PCDHGB2: variants seen among roughly 807,000 people sequenced by gnomAD.
PCDHGB2 encodes protocadherin gamma-B2.
Under a neutral mutation model 59.3 loss-of-function variants are expected in PCDHGB2, and 55 were observed. The observed-to-expected ratio is 0.93, with a 90% CI of 0.75 to 1.16. The LOEUF (loss-of-function observed/expected upper bound fraction) is 1.16. Among genes scored for constraint, PCDHGB2 ranks in the 50% most tolerant of loss-of-function variants. The pLI, the probability that PCDHGB2 is intolerant of heterozygous loss-of-function variation, is 0.00. For missense variants in PCDHGB2, 1,228 were observed against 1,198.5 expected (o/e 1.02, Z -0.36); for synonymous variants, 516 against 512.0 (o/e 1.01, Z -0.11).
At chr5:141,366,266 G>T (rs1014933070) in intron 1 of PCDHGB2, 1 of 1,613,562 alleles carries the variant, frequency 6.2e-7, no homozygotes. Flanking sequence ...CGTGGTGGCC[G>T]TCGAAGACCA....
chr5:141,422,520 G>T, intron 1 of PCDHGB2: 2 of 1,613,946 alleles, frequency 1.2e-6, no homozygotes, highest in Middle Eastern at 1.6e-4. Flanking sequence ...AGGGAAGCCC[G>T]CCTTTGTCTG....
At chr5:141,393,335 C>T (rs764386599) in intron 1 of PCDHGB2, 1 of 1,613,458 alleles carries the variant, frequency 6.2e-7, no homozygotes, top group South Asian at 1.1e-5. Flanking sequence ...AGCTCAGCCC[C>T]AATCACCACT....
intron 1 of PCDHGB2, chr5:141,374,640 C>G: frequency 6.2e-7 from 1 of 1,612,778 alleles, no homozygotes; most frequent in African/African-American, 1.3e-5. Flanking sequence ...CAAAGCGAAG[C>G]CCATGGGCCC....
Position 141,361,797 on chromosome 5 carries a change from C to T in PCDHGB2, c.1662C>T (p.Asp554=). The change falls in exon 1 of 4, where the codon GAC becomes GAT. Residue 554 remains aspartate, a synonymous_variant. Transcript: ENST00000522605. Reference sequence around the variant, plus strand: ...TGAGCCTGCGCGTGTTAGTGGGCGACCTCAATGACAATGCGCCACGGGTGC... The same window carrying T: ...TGAGCCTGCGCGTGTTAGTGGGCGATCTCAATGACAATGCGCCACGGGTGC... The part of the protein sequence containing the change: ...ANVSLRVLVG[D]LNDNAPRVLY... The T allele has an allele frequency of 1.9e-6, 3 of 1,613,222 alleles. No individual in the cohort carries two copies. The highest frequency in any genetic ancestry group is 2.5e-6 in the Non-Finnish European group (3 of 1,179,748).
In PCDHGB2 at chr5:141,394,564, G is replaced by C. The variant is rs200338108; in HGVS notation, c.2421+32008G>C. 4.7e-3 allele frequency: 7,544 copies of C among 1,612,816 alleles called. 48 individuals carry two copies. The highest frequency in any genetic ancestry group is 9.5e-3 in the Admixed American group (568 of 59,990). On this transcript the variant is annotated intron_variant, in intron 1 of 3. Transcript: ENST00000522605. Reference sequence around the variant, plus strand: ...GAGCTGGCGCCCCGCTCCGCAGAGCGTGGCTACCTGGTGACCAAGGTGGTG... The same window carrying C: ...GAGCTGGCGCCCCGCTCCGCAGAGCCTGGCTACCTGGTGACCAAGGTGGTG...
rs573088236 is a variant in PCDHGB2, at chr5:141,489,279, G to A, written c.2422-5528G>A. On this transcript the variant is annotated intron_variant, in intron 1 of 3. Coordinates refer to ENST00000522605, the MANE Select transcript of PCDHGB2 (RefSeq NM_018923.3). This position sits in a 1 kb window ranked among gnomAD's most constrained non-coding sequence, Gnocchi z 4.5. Reference sequence around the variant, plus strand: ...CACTCCCACAGCTCGCTGGGAAATGGCAAGTGCTGTGCATGTTGTCCTTGT... The same window carrying A: ...CACTCCCACAGCTCGCTGGGAAATGACAAGTGCTGTGCATGTTGTCCTTGT... The A allele has an allele frequency of 6.4e-7, 1 of 1,562,030 alleles. No individual in the cohort carries two copies. Among genetic ancestry groups the A allele is most frequent in the East Asian group, 2.2e-5 (1 of 44,522 alleles).
In PCDHGB2 at chr5:141,462,383, G is replaced by A. The variant is rs78537075; in HGVS notation, c.2422-32424G>A. Among the ~76,000 whole-genome samples the A allele has an allele frequency of 5.6e-4, 85 of 151,920 alleles. 1 individual carries two copies. In the East Asian group the frequency reaches 0.016, roughly 29 times the overall value. ...GTATAGTTTCTATTCTTTTAAATTC[G>A]TTAACATTTCTTTTATGGCACAGAA... On this transcript the variant is annotated intron_variant, in intron 1 of 3. Transcript: ENST00000522605.
rs759899934 is a variant in PCDHGB2, at chr5:141,421,255, C to G, written c.2421+58699C>G. The stretch of plus-strand genomic sequence containing the variant: ...GGCGAATCGGCTACAGCGCGGGGAC[C>G]GCAGTCGGCTGCTGCTGCTGCTGTG... On this transcript the variant is annotated intron_variant, in intron 1 of 3. Coordinates refer to ENST00000522605, the MANE Select transcript of PCDHGB2 (RefSeq NM_018923.3). The G allele has an allele frequency of 6.0e-5, 97 of 1,607,644 alleles. No individual in the cohort carries two copies. Among genetic ancestry groups the G allele is most frequent in the Middle Eastern group, 3.3e-4 (2 of 6,058 alleles).
chr5:141,420,364 A>G (rs942479456), intron 1 of PCDHGB2: 8 of 1,368,440 alleles, frequency 5.8e-6, no homozygotes, highest in African/African-American at 3.0e-5. Flanking sequence ...ATTCTAGATA[A>G]CTTCTTCATA....
chr5:141,494,142 A>AAGACAACT (rs2099752181), intron 1 of PCDHGB2, among the ~76,000 whole-genome samples: 5 of 152,090 alleles, frequency 3.3e-5, no homozygotes, highest in Admixed American at 6.5e-5. Context: ...TTAGTCACAG[A>AAGACAACT]CCATTGTCTG....
Position 141,377,593 on chromosome 5 carries a change from C to T in PCDHGB2, c.2421+15037C>T, listed in dbSNP as rs923684056. 2.8e-4 allele frequency: 40 copies of T among 144,542 alleles called. 1 individual carries two copies. The highest frequency in any genetic ancestry group is 4.7e-4 in the African/African-American group (18 of 38,630). 9.0% of individuals were successfully genotyped at this position (144,542 alleles called of 1,614,324 possible). On this transcript the variant is annotated intron_variant, in intron 1 of 3. Transcript: ENST00000522605. ...CCTGGGAGACAGAATGAGACTTTTT[C>T]TCTCTCTCTCTCAAAAAAAAAAAAA...
intron 1 of PCDHGB2, among the ~76,000 whole-genome samples, chr5:141,461,415 T>C (rs2099015091): frequency 6.6e-6 from 1 of 152,152 alleles, no homozygotes; most frequent in Non-Finnish European, 1.5e-5. Flanking sequence ...TTTCATATGT[T>C]TGTGGGCCAT....
chr5:141,474,170 T>G (rs535586079), intron 1 of PCDHGB2, among the ~76,000 whole-genome samples: 1 of 152,346 alleles, frequency 6.6e-6, no homozygotes, highest in South Asian at 2.1e-4. Flanking sequence ...GCCTTATTAT[T>G]GAGAAAACTA....
At chr5:141,475,813 T>C in intron 1 of PCDHGB2, 1 of 334,788 alleles carries the variant, frequency 3.0e-6, no homozygotes, top group East Asian at 5.5e-5. Flanking sequence ...GAAAGTGAAG[T>C]TCCTGGCGCT....
rs76381401 is a variant in PCDHGB2, at chr5:141,399,054, G to A, written c.2421+36498G>A. 4.7e-4 allele frequency: 759 copies of A among 1,613,694 alleles called. 3 individuals are homozygous for A. The African/African-American group carries it at 8.4e-3, about 18-fold the overall frequency. ...AGAAACTGGATTTTGAAGAGACCAAGGAATATTCAATGGTTGTAGAAGGGA... is the reference window on the plus strand; with the variant it reads ...AGAAACTGGATTTTGAAGAGACCAAAGAATATTCAATGGTTGTAGAAGGGA... On this transcript the variant is annotated intron_variant, in intron 1 of 3. Coordinates refer to ENST00000522605, the MANE Select transcript of PCDHGB2 (RefSeq NM_018923.3).
intron 1 of PCDHGB2, among the ~76,000 whole-genome samples, chr5:141,472,352 T>G (rs1364883510): frequency 6.6e-6 from 1 of 151,718 alleles, no homozygotes; most frequent in Non-Finnish European, 1.5e-5. Context: ...CCATCCTGGC[T>G]AACACGGTGA....
Position 141,431,633 on chromosome 5 carries a change from T to A in PCDHGB2, c.2422-63174T>A. ...TGTGGACGACAAGGCGGCCCAAGTT[T>A]TCAAACTAGATTGTAATTCAGGGAC... On this transcript the variant is annotated intron_variant, in intron 1 of 3. Coordinates refer to ENST00000522605, the MANE Select transcript of PCDHGB2 (RefSeq NM_018923.3). The surrounding 1 kb of genome is among the most constrained non-coding windows in gnomAD (Gnocchi z 4.8). 1 of 1,614,240 alleles carries A rather than the reference T, an allele frequency of 6.2e-7. No individual in the cohort carries two copies. The highest frequency in any genetic ancestry group is 8.5e-7 in the Non-Finnish European group (1 of 1,180,048).
intron 2 of PCDHGB2, among the ~76,000 whole-genome samples, chr5:141,500,180 TTA>T (rs2099797073): frequency 7.1e-6 from 1 of 140,608 alleles, no homozygotes; most frequent in African/African-American, 2.8e-5. Flanking sequence ...AGCTTCATTT[TTA>T]TTTTTATTTA....
At chr5:141,422,301 G>A (rs777697738) in intron 1 of PCDHGB2, 36 of 1,549,184 alleles carry the variant, frequency 2.3e-5, no homozygotes, top group Non-Finnish European at 3.1e-5. Flanking sequence ...ATTCAATTCT[G>A]GAAAACTCTC....
Sources: gnomAD v4.1 joint callset for allele counts (sites outside exome capture counted in the v4.1 genomes callset) on GRCh38, gnomAD v4.1.1 for gene constraint, Gnocchi (gnomAD v3.1) non-coding constraint, MANE v1.5 for transcripts, NCBI Gene and HGNC (gene_info 2026-07-23, HGNC 2026-07-21) for gene names.